The following LATS2 variants were observed in gnomAD, a reference collection of about 807,000 sequenced individuals.
LATS2 encodes the protein large tumor suppressor kinase 2, also known as serine/threonine-protein kinase LATS2.
In LATS2, 24 loss-of-function variants were observed where a neutral mutation model predicts 76.0. The observed-to-expected ratio is 0.32, with a 90% CI of 0.23 to 0.44. The LOEUF (loss-of-function observed/expected upper bound fraction) is 0.44, where lower values mean the gene tolerates loss of function less well. Ranked by LOEUF, LATS2 falls within the 20% of genes least tolerant of loss-of-function variation. The pLI is 1.00. For synonymous variants in LATS2, 692 were observed against 635.4 expected (o/e 1.09, Z -1.34); for missense variants, 1,286 against 1,481.2 (o/e 0.87, Z 2.16).
rs1330179468 is a variant in LATS2 at position 20,974,065 on chromosome 13, T to C, written c.*805A>G. On this transcript the variant is annotated 3_prime_UTR_variant, in exon 8 of 8. Coordinates refer to ENST00000382592, the MANE Select transcript of LATS2 (RefSeq NM_014572.3). Reference sequence around the variant, plus strand: ...ATTTCTTTAACAAAACAGTAAGAGATACAATCATAGCGAAGAGGTCACCCG... The same window carrying C: ...ATTTCTTTAACAAAACAGTAAGAGACACAATCATAGCGAAGAGGTCACCCG... The C allele has an allele frequency of 1.4e-5, 3 of 217,736 alleles. No individual in the cohort carries two copies. Among genetic ancestry groups the C allele is most frequent in the African/African-American group, 7.1e-5 (3 of 42,306 alleles). 13.5% of individuals were successfully genotyped at this position (217,736 alleles called of 1,614,324 possible).
intron 2 of LATS2, among the ~76,000 whole-genome samples, chr13:21,033,865 T>C (rs1335990158): frequency 6.6e-6 from 1 of 152,080 alleles, no homozygotes; most frequent in Non-Finnish European, 1.5e-5. Context: ...ACATGATTAA[T>C]AATTCTTCTA....
At position 20,983,287 on chromosome 13, in the gene LATS2, G is replaced by C; in HGVS notation, c.2419C>G (p.Leu807Val). Reference protein sequence around the residue: ...ILIDLDGHIKLTDFGLCTGFR... With the variant: ...ILIDLDGHIKVTDFGLCTGFR... The stretch of plus-strand genomic sequence containing the variant: ...CCAGTGCAGAGGCCGAAATCTGTGA[G>C]TTTAATGTGACCATCCAGATCTATC... The change falls in exon 5 of 8, where the codon CTC (leucine) becomes GTC (valine). Residue 807 changes from leucine to valine, a missense_variant. Leu to Val is a conservative substitution (Grantham distance 32). Transcript: ENST00000382592. 1.2e-6 allele frequency: 2 copies of C among 1,614,026 alleles called. No individual in the cohort carries two copies. Among genetic ancestry groups the C allele is most frequent in the Non-Finnish European group, 1.7e-6 (2 of 1,180,006 alleles).
At chr13:20,986,265 T>C (rs1335218831) in intron 4 of LATS2, among the ~76,000 whole-genome samples, 1 of 152,124 alleles carries the variant, frequency 6.6e-6, no homozygotes, top group African/African-American at 2.4e-5. Flanking sequence ...AAACCCATTA[T>C]TGGGTATTTA....
At position 20,991,740 on chromosome 13, in the gene LATS2, A is replaced by C. The variant is rs1251859843; in HGVS notation, c.343-336T>G. On this transcript the variant is annotated intron_variant, in intron 2 of 7. Coordinates refer to ENST00000382592, the MANE Select transcript of LATS2 (RefSeq NM_014572.3). The surrounding 1 kb of genome is among the most constrained non-coding windows in gnomAD (Gnocchi z 4.9). The stretch of plus-strand genomic sequence containing the variant: ...GGACTGGTGAGTTCAGGATGAACCT[A>C]AAACTAGAAACATTTAAGGGGAAGA... 1.3e-5 allele frequency among the ~76,000 whole-genome samples: 2 copies of C among 152,224 alleles called. No homozygotes were observed. The highest frequency in any genetic ancestry group is 4.8e-5 in the African/African-American group (2 of 41,464).
intron 2 of LATS2, among the ~76,000 whole-genome samples, chr13:21,014,048 G>A (rs978948016): frequency 6.6e-6 from 1 of 151,476 alleles, no homozygotes; most frequent in African/African-American, 2.4e-5. Context: ...GGAAGAAGGA[G>A]AGAGAAACAA....
In LATS2 at chr13:20,980,164, G is replaced by C. The variant is rs569529304; in HGVS notation, c.2666-367C>G. Among the ~76,000 whole-genome samples, 69 of 152,320 alleles carry C rather than the reference G, an allele frequency of 4.5e-4. 1 individual carries two copies. Among genetic ancestry groups the C allele is most frequent in the African/African-American group, 1.6e-3 (66 of 41,564 alleles). On this transcript the variant is annotated intron_variant, in intron 6 of 7. Transcript: ENST00000382592. ...AAAAACATAAAGTGCTATAACCTGT[G>C]AATAGTCAGGTGAGGGTCAAGGGAG...
intron 2 of LATS2, among the ~76,000 whole-genome samples, chr13:21,020,680 T>C (rs1466220483): frequency 1.3e-5 from 2 of 152,178 alleles, no homozygotes; most frequent in Non-Finnish European, 2.9e-5. Context: ...CCTCTCTCCA[T>C]GTAGGGACAC....
rs1257278407 is a variant in LATS2, at chr13:20,974,724, T to C, written c.*146A>G. 53 of 851,630 alleles carry C rather than the reference T, an allele frequency of 6.2e-5. No homozygotes were observed. The highest frequency in any genetic ancestry group is 8.8e-5 in the Non-Finnish European group (50 of 567,220). 52.8% of individuals were successfully genotyped at this position (851,630 alleles called of 1,614,324 possible). A position where few individuals can be genotyped will look rare whatever the true frequency, so the allele number is the denominator to read the frequency against. ...TCAAAAGTGTCCTGTTTGGGTTTTC[T>C]TGGTGAAGAGCAGAATTTCAAGTGA... On this transcript the variant is annotated 3_prime_UTR_variant, in exon 8 of 8. Coordinates refer to ENST00000382592, the MANE Select transcript of LATS2 (RefSeq NM_014572.3).
intron 2 of LATS2, among the ~76,000 whole-genome samples, chr13:21,013,417 G>T (rs1871677160): frequency 6.6e-6 from 1 of 152,178 alleles, no homozygotes; most frequent in Middle Eastern, 3.2e-3. Context: ...AAAAATTAGT[G>T]TTTGCTGATT....
At chr13:21,025,443 G>T (rs1872276535) in intron 2 of LATS2, among the ~76,000 whole-genome samples, 1 of 151,272 alleles carries the variant, frequency 6.6e-6, no homozygotes, top group Admixed American at 6.6e-5. Flanking sequence ...AAGAGTTTCT[G>T]GTTGGCACCT....
intron 2 of LATS2, among the ~76,000 whole-genome samples, chr13:21,000,653 G>A (rs1245294372): frequency 1.3e-5 from 2 of 151,958 alleles, no homozygotes; most frequent in African/African-American, 4.8e-5. Flanking sequence ...GAGGCCACAT[G>A]GCCACTACTA....
intron 4 of LATS2, among the ~76,000 whole-genome samples, chr13:20,985,286 A>C (rs1951180634): frequency 6.6e-6 from 1 of 152,212 alleles, no homozygotes; most frequent in African/African-American, 2.4e-5. Context: ...TTAAGCTAAA[A>C]AGCTTCTGCA....
chr13:20,984,561 C>T (rs1870058125), intron 4 of LATS2, among the ~76,000 whole-genome samples: 1 of 151,918 alleles, frequency 6.6e-6, no homozygotes, highest in Non-Finnish European at 1.5e-5. Context: ...TTTCTGTACA[C>T]CAATAATGAA....
At chr13:20,980,955 T>C (rs1468314412) in intron 6 of LATS2, among the ~76,000 whole-genome samples, 1 of 152,232 alleles carries the variant, frequency 6.6e-6, no homozygotes, top group Non-Finnish European at 1.5e-5. Flanking sequence ...GCAAATGTTA[T>C]GAGCACTAGT....
At chr13:21,008,811 T>C (rs1871458382) in intron 2 of LATS2, among the ~76,000 whole-genome samples, 2 of 152,046 alleles carry the variant, frequency 1.3e-5, no homozygotes, top group African/African-American at 4.8e-5. Flanking sequence ...GATGCTGAAA[T>C]CCTACAACCA....
chr13:20,989,174 C>T lies in LATS2; in HGVS notation c.606G>A (p.Thr202=), dbSNP rs1303115133. 11 of 1,613,192 alleles carry T rather than the reference C, an allele frequency of 6.8e-6. No individual in the cohort carries two copies. The highest frequency in any genetic ancestry group is 1.1e-5 in the South Asian group (1 of 91,070). Residue 202 remains threonine (T), a synonymous_variant, in exon 4 of 8, where the codon ACG becomes ACA. Coordinates refer to ENST00000382592, the MANE Select transcript of LATS2 (RefSeq NM_014572.3). ...EGPSFGADGP[T]ALEEMPRPYV... ...ACGGCCGCGGCATCTCCTCCAGCGC[C>T]GTGGGGCCGTCAGCGCCGAAGCTTG...
At position 20,991,593 on chromosome 13, in the gene LATS2, CA is replaced by C. The variant is rs903856634; in HGVS notation, c.343-190del. ...TGTGTGCCCTGCAGGTACCTGATGG[CA>C]AAAGCCTAGCACAAGCCACACCATA... On this transcript the variant is annotated intron_variant, in intron 2 of 7. Coordinates refer to ENST00000382592, the MANE Select transcript of LATS2 (RefSeq NM_014572.3). The surrounding 1 kb of genome is among the most constrained non-coding windows in gnomAD (Gnocchi z 4.9). 2.0e-4 allele frequency among the ~76,000 whole-genome samples: 31 copies of C among 152,176 alleles called. No homozygotes were observed. Among genetic ancestry groups the C allele is most frequent in the African/African-American group, 7.2e-4 (30 of 41,444 alleles).
At position 20,988,889 on chromosome 13, in the gene LATS2, C is replaced by T. The variant is rs373820700; in HGVS notation, c.891G>A (p.Pro297=). Residue 297 remains proline, a synonymous_variant, in exon 4 of 8, where the codon CCG becomes CCA. Coordinates refer to ENST00000382592, the MANE Select transcript of LATS2 (RefSeq NM_014572.3). ...ASLPTKGQGG[P]PGAGLAFPPP... ...GTGGGAAAGCGAGGCCGGCGCCTGG[C>T]GGTCCTCCCTGGCCCTTCGTGGGCA... The T allele has an allele frequency of 2.5e-4, 389 of 1,545,984 alleles. No homozygotes were observed. Among genetic ancestry groups the T allele is most frequent in the Non-Finnish European group, 3.2e-4 (369 of 1,152,946 alleles).
At position 20,983,518 on chromosome 13, in the gene LATS2, T is replaced by G. The variant is rs1331055284; in HGVS notation, c.2188A>C (p.Lys730Gln). ...TTGTCTTGGAAGGAGTAGTAGAGTT[T>G]GACCACCCACTCATTGTCTGCCTCG... ...LAEADNEWVV[K>Q]LYYSFQDKDS... The change falls in exon 5 of 8, where the codon AAA (lysine) becomes CAA (glutamine). Residue 730 changes from lysine to glutamine, a missense_variant. Physicochemically the swap from Lys to Gln is moderately conservative, Grantham distance 53 (BLOSUM62 1). Coordinates refer to ENST00000382592, the MANE Select transcript of LATS2 (RefSeq NM_014572.3). 1.9e-6 allele frequency: 3 copies of G among 1,614,140 alleles called. No homozygotes were observed. Among genetic ancestry groups the G allele is most frequent in the Non-Finnish European group, 2.5e-6 (3 of 1,180,026 alleles).
Sources: allele counts gnomAD v4.1 joint callset (sites outside exome capture counted in the v4.1 genomes callset), GRCh38; gene constraint gnomAD v4.1.1; non-coding constraint Gnocchi (gnomAD v3.1); transcripts MANE v1.5; gene names NCBI Gene and HGNC (gene_info 2026-07-23, HGNC 2026-07-21).